ARRB1: variants seen among roughly 807,000 people sequenced by gnomAD.
ARRB1 encodes the protein arrestin beta 1.
In ARRB1, 21 loss-of-function variants were observed where a neutral mutation model predicts 56.8. The observed-to-expected ratio is 0.37, with a 90% CI of 0.26 to 0.53. ARRB1 has a LOEUF of 0.53. Ranked by LOEUF, ARRB1 falls within the 20% of genes least tolerant of loss-of-function variation. The pLI, the probability that ARRB1 is intolerant of heterozygous loss-of-function variation, is 0.88. For missense variants in ARRB1, 424 were observed against 553.7 expected (o/e 0.77, Z 2.35); for synonymous variants, 210 against 218.6 (o/e 0.96, Z 0.35).
At chr11:75,286,154 T>C (rs755423375) in intron 3 of ARRB1, among the ~76,000 whole-genome samples, 4 of 151,478 alleles carry the variant, frequency 2.6e-5, no homozygotes, top group Non-Finnish European at 5.9e-5. Flanking sequence ...GCTCGCTTCC[T>C]TGGCTCAGGA....
At chr11:75,342,898 T>A (rs754005906) in intron 1 of ARRB1, among the ~76,000 whole-genome samples, 1 of 152,146 alleles carries the variant, frequency 6.6e-6, no homozygotes, top group Admixed American at 6.5e-5. Flanking sequence ...AAGCTGAACA[T>A]CCAGTGACCT....
chr11:75,349,379 A>G (rs1221668763), intron 1 of ARRB1, among the ~76,000 whole-genome samples: 1 of 152,222 alleles, frequency 6.6e-6, no homozygotes, highest in East Asian at 1.9e-4. Flanking sequence ...CAATTGCCCA[A>G]TGTCCCAAAG....
intron 1 of ARRB1, among the ~76,000 whole-genome samples, chr11:75,300,606 C>A (rs545381590): frequency 6.6e-6 from 1 of 152,220 alleles, no homozygotes; most frequent in African/African-American, 2.4e-5. Flanking sequence ...CCGAGGTGGG[C>A]GGATCATGTG....
In ARRB1 at chr11:75,263,288, G is replaced by T. The variant is rs1256204509; in HGVS notation, c.*2875C>A. Reference sequence around the variant, plus strand: ...GGGCTGGGAGGTGGTGCCTGGAGTTGACCAGAAGCTTGGAAACATGACCTG... The same window carrying T: ...GGGCTGGGAGGTGGTGCCTGGAGTTTACCAGAAGCTTGGAAACATGACCTG... On this transcript the variant is annotated 3_prime_UTR_variant, in exon 16 of 16. Transcript: ENST00000420843. Among the ~76,000 whole-genome samples, 3 of 152,242 alleles carry T rather than the reference G, an allele frequency of 2.0e-5. No homozygotes were observed. Among genetic ancestry groups the T allele is most frequent in the Non-Finnish European group, 2.9e-5 (2 of 68,038 alleles).
At chr11:75,267,225 G>C (rs1339970601) in intron 15 of ARRB1, among the ~76,000 whole-genome samples, 2 of 152,200 alleles carry the variant, frequency 1.3e-5, no homozygotes. Context: ...TTTGACTGCA[G>C]GGAAATCCAC....
intron 1 of ARRB1, among the ~76,000 whole-genome samples, chr11:75,300,942 T>C (rs1195886554): frequency 8.1e-6 from 1 of 124,064 alleles, no homozygotes; most frequent in Admixed American, 9.4e-5. Context: ...CACTCCAGCC[T>C]GGGCGACAGA....
At position 75,263,158 on chromosome 11, in the gene ARRB1, G is replaced by A. The variant is rs531899328; in HGVS notation, c.*3005C>T. On this transcript the variant is annotated 3_prime_UTR_variant, in exon 16 of 16. Coordinates refer to ENST00000420843, the MANE Select transcript of ARRB1 (RefSeq NM_004041.5). ...ACTGTGGGATGGTGCCTGGGGCCTA[G>A]TGAGGCTCCCCCACCCCTAGTTTCA... Among the ~76,000 whole-genome samples, 4 of 152,340 alleles carry A rather than the reference G, an allele frequency of 2.6e-5. No individual in the cohort carries two copies. Among genetic ancestry groups the A allele is most frequent in the African/African-American group, 7.2e-5 (3 of 41,588 alleles).
At chr11:75,335,954 T>G (rs1947596441) in intron 1 of ARRB1, among the ~76,000 whole-genome samples, 1 of 152,164 alleles carries the variant, frequency 6.6e-6, no homozygotes, top group African/African-American at 2.4e-5. Context: ...ATACTAAAGA[T>G]GCCAAGGGGC....
intron 12 of ARRB1, 75 bp from the exon 13 acceptor site, chr11:75,271,799 T>A: frequency 6.8e-7 from 1 of 1,467,950 alleles, no homozygotes; most frequent in Non-Finnish European, 9.2e-7. Flanking sequence ...AGCACATTCA[T>A]TCACCACTTC....
chr11:75,297,107 A>G (rs905863869), intron 1 of ARRB1, among the ~76,000 whole-genome samples: 10 of 152,202 alleles, frequency 6.6e-5, no homozygotes, highest in Non-Finnish European at 1.5e-4. Flanking sequence ...TAAATACCCA[A>G]AAGAAATAAA....
chr11:75,267,031 G>T (rs1052648144), intron 15 of ARRB1, among the ~76,000 whole-genome samples: 2 of 152,082 alleles, frequency 1.3e-5, no homozygotes, highest in Non-Finnish European at 2.9e-5. Flanking sequence ...GCCCAACAGG[G>T]TTCAGCCAGT....
At position 75,265,099 on chromosome 11, in the gene ARRB1, T is replaced by C. The variant is rs990304783; in HGVS notation, c.*1064A>G. 7.9e-5 allele frequency: 12 copies of C among 152,224 alleles called. No homozygotes were observed. Among genetic ancestry groups the C allele is most frequent in the African/African-American group, 2.7e-4 (11 of 41,448 alleles). The allele number at this position is 152,224 out of a possible 1,614,324, so 9.4% of individuals were successfully genotyped here. On this transcript the variant is annotated 3_prime_UTR_variant, in exon 16 of 16. Transcript: ENST00000420843. ...GATAGGACCCCCTTTGACTGTGGCA[T>C]GGTGGCCTCAGGCACTCTCTCCCAG...
At chr11:75,344,737 G>A (rs1419707122) in intron 1 of ARRB1, among the ~76,000 whole-genome samples, 1 of 152,164 alleles carries the variant, frequency 6.6e-6, no homozygotes, top group Non-Finnish European at 1.5e-5. Context: ...CAGGGCTCAT[G>A]TGGGAGACAA....
intron 1 of ARRB1, among the ~76,000 whole-genome samples, chr11:75,336,826 G>A (rs930417037): frequency 1.3e-5 from 2 of 152,164 alleles, no homozygotes; most frequent in Non-Finnish European, 2.9e-5. Context: ...ACCACCCTAT[G>A]AGGGGAATAT....
chr11:75,314,107 C>T (rs962676689), intron 1 of ARRB1, among the ~76,000 whole-genome samples: 1 of 152,224 alleles, frequency 6.6e-6, no homozygotes, highest in African/African-American at 2.4e-5. Flanking sequence ...CCTGGAGCCA[C>T]CAACTTCCTT....
chr11:75,299,461 A>AG (rs1946844795), intron 1 of ARRB1, among the ~76,000 whole-genome samples: 1 of 151,732 alleles, frequency 6.6e-6, no homozygotes, highest in African/African-American at 2.4e-5. Context: ...AAAAAAAAAA[A>AG]GTAAGTGAAG....
At chr11:75,311,450 G>A (rs967531896) in intron 1 of ARRB1, among the ~76,000 whole-genome samples, 2 of 152,214 alleles carry the variant, frequency 1.3e-5, no homozygotes, top group Non-Finnish European at 2.9e-5. Flanking sequence ...GAGAGCAGGT[G>A]ACATCTGAGC....
intron 1 of ARRB1, among the ~76,000 whole-genome samples, chr11:75,325,559 G>A (rs1337631866): frequency 1.3e-5 from 2 of 152,218 alleles, no homozygotes; most frequent in Non-Finnish European, 2.9e-5. Context: ...CTGACCTCAA[G>A]TGATCTACCT....
In ARRB1 at chr11:75,318,731, A is replaced by G. The variant is rs116461880; in HGVS notation, c.21-28692T>C. 5.5e-3 allele frequency among the ~76,000 whole-genome samples: 833 copies of G among 151,520 alleles called. 3 individuals carry two copies. The highest frequency in any genetic ancestry group is 0.019 in the African/African-American group (796 of 41,322). On this transcript the variant is annotated intron_variant, in intron 1 of 15. Coordinates refer to ENST00000420843, the MANE Select transcript of ARRB1 (RefSeq NM_004041.5). ...AGAGATCCTCCCGCCTCAGCCTCCC[A>G]AAGCACTGGCACTGGGATTATAGGA...
Sources: gnomAD v4.1 joint callset for allele counts (sites outside exome capture counted in the v4.1 genomes callset) on GRCh38, gnomAD v4.1.1 for gene constraint, MANE v1.5 for transcripts, NCBI Gene and HGNC (gene_info 2026-07-23, HGNC 2026-07-21) for gene names.